The following RYR2 variants were observed in gnomAD, a reference collection of about 807,000 sequenced individuals.
RYR2 encodes cardiac muscle ryanodine receptor-calcium release channel.
RYR2 carries 227 observed loss-of-function variants against 601.1 expected under a neutral mutation model. The ratio of observed to expected loss-of-function variants is 0.38; its 90% CI spans 0.34 to 0.42. RYR2 has a LOEUF of 0.42. Ranked by LOEUF, RYR2 falls within the 10% of genes least tolerant of loss-of-function variation. The pLI is 1.00. For missense variants in RYR2, 4,646 were observed against 6,156.5 expected (o/e 0.75, Z 8.21); for synonymous variants, 2,223 against 2,175.1 (o/e 1.02, Z -0.61).
chr1:237,294,620 A>G (rs1171903665), intron 2 of RYR2, among the ~76,000 whole-genome samples: 1 of 152,202 alleles, frequency 6.6e-6, no homozygotes, highest in Non-Finnish European at 1.5e-5. Flanking sequence ...AATCAGATAC[A>G]TTTTAAAATT....
At chr1:237,709,776 C>A (rs1407310555) in intron 70 of RYR2, among the ~76,000 whole-genome samples, 1 of 152,040 alleles carries the variant, frequency 6.6e-6, no homozygotes, top group African/African-American at 2.4e-5. Context: ...TTTAAATTTG[C>A]CCCTAAATTT....
chr1:237,122,011 C>T (rs917627460), intron 1 of RYR2, among the ~76,000 whole-genome samples: 12 of 152,300 alleles, frequency 7.9e-5, no homozygotes, highest in African/African-American at 2.9e-4. Flanking sequence ...GTAGAGGTCA[C>T]CCTTGAGGAA....
intron 17 of RYR2, among the ~76,000 whole-genome samples, chr1:237,488,636 A>G (rs2150397534): frequency 6.6e-6 from 1 of 152,274 alleles, no homozygotes. Flanking sequence ...AACCGATGAC[A>G]TTCCACCATT....
intron 17 of RYR2, among the ~76,000 whole-genome samples, chr1:237,483,723 C>T (rs1662370263): frequency 6.6e-6 from 1 of 152,148 alleles, no homozygotes; most frequent in South Asian, 2.1e-4. Flanking sequence ...AGTCATTTCC[C>T]AGTTTACTTC....
intron 27 of RYR2, among the ~76,000 whole-genome samples, chr1:237,561,931 TA>T (rs1671498718): frequency 6.6e-6 from 1 of 152,120 alleles, no homozygotes; most frequent in Non-Finnish European, 1.5e-5. Flanking sequence ...TTTTATAGCA[TA>T]AAGCAAAATC....
intron 65 of RYR2, among the ~76,000 whole-genome samples, chr1:237,700,770 G>A (rs970461705): frequency 7.9e-5 from 12 of 152,040 alleles, no homozygotes; most frequent in African/African-American, 2.7e-4. Flanking sequence ...TCACATAAAC[G>A]TTTTAATGCA....
chr1:237,621,054 T>C (rs2148632551), intron 38 of RYR2, among the ~76,000 whole-genome samples: 1 of 152,160 alleles, frequency 6.6e-6, no homozygotes, highest in South Asian at 2.1e-4. Flanking sequence ...AAAGTTGAAA[T>C]CATACACATT....
At chr1:237,669,816 G>T (rs554216571) in intron 58 of RYR2, among the ~76,000 whole-genome samples, 2 of 151,456 alleles carry the variant, frequency 1.3e-5, no homozygotes, top group African/African-American at 4.9e-5. Flanking sequence ...TGGGCAGCCA[G>T]GCAGAGGGGC....
intron 100 of RYR2, among the ~76,000 whole-genome samples, chr1:237,814,199 G>A (rs1428993383): frequency 1.3e-5 from 2 of 152,156 alleles, no homozygotes; most frequent in African/African-American, 4.8e-5. Flanking sequence ...TTAGAGTAGT[G>A]CGCTTTCAAA....
Position 237,711,762 on chromosome 1 carries a change from G to A in RYR2, c.10248G>A (p.Glu3416=), listed in dbSNP as rs1053102456. Residue 3416 remains glutamate, a synonymous_variant, in exon 71 of 105, where the codon GAG becomes GAA. Transcript: ENST00000366574. ...CTTCTCAGAATTTCAAAAGAGAAGA[G>A]CAGAACTTCGTTGTACAGAATGAAA... The part of the protein sequence containing the change: ...WSKSHNFKRE[E]QNFVVQNEIN... 3 of 1,579,538 alleles carry A rather than the reference G, an allele frequency of 1.9e-6. No individual in the cohort carries two copies. Among genetic ancestry groups the A allele is most frequent in the Non-Finnish European group, 1.7e-6 (2 of 1,152,886 alleles).
At position 237,792,332 on chromosome 1, in the gene RYR2, G is replaced by A; in HGVS notation, c.13782+9G>A. 1.3e-6 allele frequency: 2 copies of A among 1,587,046 alleles called. No individual in the cohort carries two copies. The highest frequency in any genetic ancestry group is 1.7e-6 in the Non-Finnish European group (2 of 1,160,026). On this transcript the variant is annotated intron_variant, in intron 94 of 104. Coordinates refer to ENST00000366574, the MANE Select transcript of RYR2 (RefSeq NM_001035.3). The stretch of plus-strand genomic sequence containing the variant: ...GATACTACTGCTTGAAAGTAAGATA[G>A]TAAGGCACCAAGGTACCTGTGTGTG...
chr1:237,420,423 A>G (rs184853212), intron 11 of RYR2, among the ~76,000 whole-genome samples: 114 of 152,342 alleles, frequency 7.5e-4, no homozygotes, highest in African/African-American at 2.4e-3. Context: ...GATAATACGT[A>G]GGGCACAGTT....
intron 38 of RYR2, among the ~76,000 whole-genome samples, chr1:237,618,430 G>C (rs1420519298): frequency 6.6e-6 from 1 of 152,126 alleles, no homozygotes; most frequent in Non-Finnish European, 1.5e-5. Context: ...AGAAGGCTCT[G>C]AAAGATAGAG....
At chr1:237,313,518 C>G (rs1318773120) in intron 2 of RYR2, among the ~76,000 whole-genome samples, 1 of 152,146 alleles carries the variant, frequency 6.6e-6, no homozygotes, top group Non-Finnish European at 1.5e-5. Context: ...ATGTAGAAAG[C>G]CTTTAGAAGC....
rs1260695836 is a variant in RYR2, at chr1:237,658,032, G to A, written c.8208+10G>A. 2.1e-6 allele frequency: 3 copies of A among 1,432,502 alleles called. No homozygotes were observed. The highest frequency in any genetic ancestry group is 1.4e-5 in the South Asian group (1 of 69,914). The allele number at this position is 1,432,502 out of a possible 1,614,324, so 88.7% of individuals were successfully genotyped here. Reference sequence around the variant, plus strand: ...ATGGTCAATGGACAAGGTAAAAAGAGTATTACATTCTAATTCAGTAGTCAT... The same window carrying A: ...ATGGTCAATGGACAAGGTAAAAAGAATATTACATTCTAATTCAGTAGTCAT... On this transcript the variant is annotated intron_variant, in intron 54 of 104. Coordinates refer to ENST00000366574, the MANE Select transcript of RYR2 (RefSeq NM_001035.3).
At chr1:237,237,971 C>CCTTTCCTTTCCTTTCCTTTCCTTT (rs1685760621) in intron 1 of RYR2, among the ~76,000 whole-genome samples, 1 of 144,906 alleles carries the variant, frequency 6.9e-6, no homozygotes, top group Non-Finnish European at 1.5e-5. Flanking sequence ...CCTTTCCTTT[C>CCTTTCCTTTCCTTTCCTTTCCTTT]CTTTCCTTTC....
chr1:237,393,543 A>G (rs1364196526), intron 10 of RYR2, among the ~76,000 whole-genome samples: 2 of 152,206 alleles, frequency 1.3e-5, no homozygotes, highest in Non-Finnish European at 2.9e-5. Flanking sequence ...ACCACCTAGG[A>G]GGAAGCTCTT....
chr1:237,429,685 A>G (rs945344762), intron 12 of RYR2, among the ~76,000 whole-genome samples: 1 of 152,216 alleles, frequency 6.6e-6, no homozygotes, highest in African/African-American at 2.4e-5. Context: ...GGTGATTCAC[A>G]TGGAAATGGA....
At chr1:237,415,383 T>C (rs908870519) in intron 10 of RYR2, among the ~76,000 whole-genome samples, 30 of 152,134 alleles carry the variant, frequency 2.0e-4, no homozygotes, top group African/African-American at 6.0e-4. Flanking sequence ...CCTAAAACTC[T>C]TAGGTCCTAA....
Sources: allele counts gnomAD v4.1 joint callset (sites outside exome capture counted in the v4.1 genomes callset), GRCh38; gene constraint gnomAD v4.1.1; transcripts MANE v1.5; gene names NCBI Gene and HGNC (gene_info 2026-07-23, HGNC 2026-07-21).